Variants in SEPTIN10 observed in about 807,000 individuals in gnomAD.
The protein encoded by SEPTIN10 is septin-10.
Under a neutral mutation model 54.8 loss-of-function variants are expected in SEPTIN10, and 66 were observed. The observed-to-expected ratio is 1.21, with a 90% CI of 0.99 to 1.48. The LOEUF is 1.48. Ranked by LOEUF, SEPTIN10 falls within the 40% of genes most tolerant of loss-of-function variation. The pLI, the probability that SEPTIN10 is intolerant of heterozygous loss-of-function variation, is 0.00. For missense variants in SEPTIN10, 620 were observed against 545.6 expected, an observed-to-expected ratio of 1.14 and a Z score of -1.36; for synonymous variants, 161 against 181.0, an observed-to-expected ratio of 0.89 and a Z score of 0.89.
chr2:109,609,971 A>G (rs1698889487), intron 1 of SEPTIN10, among the ~76,000 whole-genome samples: 1 of 152,190 alleles, frequency 6.6e-6, no homozygotes, highest in South Asian at 2.1e-4. Flanking sequence ...CTCCTGAATC[A>G]TAAAATGATG....
At chr2:109,583,517 G>T (rs1691712404) in intron 4 of SEPTIN10, among the ~76,000 whole-genome samples, 1 of 152,190 alleles carries the variant, frequency 6.6e-6, no homozygotes, top group East Asian at 1.9e-4. Context: ...TAGAGAAAAG[G>T]AAATGCTTGT....
intron 1 of SEPTIN10, among the ~76,000 whole-genome samples, chr2:109,594,434 T>C (rs1694827109): frequency 6.6e-6 from 1 of 152,220 alleles, no homozygotes; most frequent in African/African-American, 2.4e-5. Flanking sequence ...CCTTTGTTTA[T>C]ATAAATGGTA....
At chr2:109,545,930 T>A (rs1363147728) in intron 10 of SEPTIN10, 120 bp downstream of exon 10, 4 of 1,445,896 alleles carry the variant, frequency 2.8e-6, no homozygotes, top group Non-Finnish European at 3.7e-6. Context: ...GGAGCTGACA[T>A]TTAGTTGGAG....
At chr2:109,587,093 T>C (rs1396359184) in intron 2 of SEPTIN10, among the ~76,000 whole-genome samples, 2 of 152,188 alleles carry the variant, frequency 1.3e-5, no homozygotes, top group African/African-American at 4.8e-5. Context: ...GTAAGAACTT[T>C]AAATAATGAT....
intron 1 of SEPTIN10, 111 bp from the exon 2 acceptor site, chr2:109,593,230 C>G: frequency 1.5e-6 from 1 of 649,058 alleles, no homozygotes; most frequent in Non-Finnish European, 2.4e-6. Flanking sequence ...GTTGTTATCA[C>G]CAAGTTTTGA....
chr2:109,547,352 T>C (rs1201326757), intron 9 of SEPTIN10, among the ~76,000 whole-genome samples: 4 of 149,820 alleles, frequency 2.7e-5, no homozygotes, highest in Non-Finnish European at 5.9e-5. Context: ...ATGTGAAATA[T>C]ACATGCTAAT....
At position 109,585,735 on chromosome 2, in the gene SEPTIN10, T is replaced by C. The variant is rs767504524; in HGVS notation, c.203A>G (p.Asn68Ser). ...GTGGCACGTACCCACACAGAGAATA[T>C]TAAAGCAGAAACCTTGCTGAATGGA... is the stretch of plus-strand genomic sequence containing the variant. ...NRSIQQGFCF[N>S]ILCVGETGIG... is the part of the protein sequence containing the mutation. Residue 68 changes from asparagine to serine, a missense_variant, in exon 3 of 11, where the codon AAT becomes AGT. Transcript: ENST00000397712. 42 of 1,612,462 alleles carry C rather than the reference T, an allele frequency of 2.6e-5. No homozygotes were observed. Among genetic ancestry groups the C allele is most frequent in the African/African-American group, 4.0e-5 (3 of 74,852 alleles).
At chr2:109,590,333 G>A (rs1693738340) in intron 2 of SEPTIN10, among the ~76,000 whole-genome samples, 2 of 152,016 alleles carry the variant, frequency 1.3e-5, no homozygotes, top group South Asian at 4.1e-4. Context: ...GTGTCTCTGA[G>A]AAGAGATTTT....
At chr2:109,607,747 T>G (rs1573883853) in intron 1 of SEPTIN10, among the ~76,000 whole-genome samples, 1 of 152,146 alleles carries the variant, frequency 6.6e-6, no homozygotes, top group East Asian at 1.9e-4. Flanking sequence ...CTCCCCTGAC[T>G]TCTCACCCAA....
At chr2:109,565,318 T>A (rs1385211067) in intron 7 of SEPTIN10, among the ~76,000 whole-genome samples, 1 of 152,192 alleles carries the variant, frequency 6.6e-6, no homozygotes, top group Non-Finnish European at 1.5e-5. Flanking sequence ...ACTTACTCAT[T>A]ATAATGTCAG....
At position 109,544,203 on chromosome 2, in the gene SEPTIN10, T is replaced by G; in HGVS notation, c.*106A>C. ...TCAGTAACTGTGGCTGTTCACCAAATATAGAAGTGATAAAACAAATAACAG... is the reference window on the plus strand; with the variant it reads ...TCAGTAACTGTGGCTGTTCACCAAAGATAGAAGTGATAAAACAAATAACAG... On this transcript the variant is annotated 3_prime_UTR_variant, in exon 11 of 11. Coordinates refer to ENST00000397712, the MANE Select transcript of SEPTIN10 (RefSeq NM_144710.5). 1 of 1,607,052 alleles carries G rather than the reference T, an allele frequency of 6.2e-7. No homozygotes were observed. The highest frequency in any genetic ancestry group is 2.2e-5 in the East Asian group (1 of 44,806).
chr2:109,575,751 T>A (rs1186487484), intron 4 of SEPTIN10, among the ~76,000 whole-genome samples: 1 of 152,218 alleles, frequency 6.6e-6, no homozygotes, highest in Non-Finnish European at 1.5e-5. Flanking sequence ...TTTGTAATTA[T>A]CTTTCTAGCC....
At chr2:109,560,813 G>A (rs1194289732) in intron 8 of SEPTIN10, among the ~76,000 whole-genome samples, 2 of 152,050 alleles carry the variant, frequency 1.3e-5, no homozygotes, top group Non-Finnish European at 2.9e-5. Context: ...GAGACTAGGC[G>A]TCTCCTTCTA....
Position 109,578,202 on chromosome 2 carries a change from T to C in SEPTIN10, c.414-3435A>G, listed in dbSNP as rs1331214237. 2.6e-5 allele frequency among the ~76,000 whole-genome samples: 4 copies of C among 152,252 alleles called. No homozygotes were observed. The East Asian group carries it at 7.7e-4, about 29-fold the overall frequency. ...AAACCTAAATATGTCGGTAATTACATTAATTTTGAAGGAATTACACGATCA... is the reference window on the plus strand; with the variant it reads ...AAACCTAAATATGTCGGTAATTACACTAATTTTGAAGGAATTACACGATCA... On this transcript the variant is annotated intron_variant, in intron 4 of 10. Coordinates refer to ENST00000397712, the MANE Select transcript of SEPTIN10 (RefSeq NM_144710.5).
intron 10 of SEPTIN10, chr2:109,545,642 T>C: frequency 1.3e-6 from 2 of 1,505,366 alleles, no homozygotes; most frequent in Non-Finnish European, 1.8e-6. Flanking sequence ...CTTATGTCTA[T>C]AATTCCCCAA....
In SEPTIN10 at chr2:109,574,562, ATTCCT is replaced by A; in HGVS notation, c.600+14_600+18del. 6.9e-7 allele frequency: 1 copy of A among 1,453,790 alleles called. No individual in the cohort carries two copies. The highest frequency in any genetic ancestry group is 9.1e-7 in the Non-Finnish European group (1 of 1,097,084). 90.1% of individuals were successfully genotyped at this position (1,453,790 alleles called of 1,614,324 possible). A position where few individuals can be genotyped will look rare whatever the true frequency, so the allele number is the denominator to read the frequency against. ...ATAAATATTAAAGTATGGTAAGTTG[ATTCCT>A]TTCCTCAACCCACCTTGCTGTCAAG... On this transcript the variant is annotated intron_variant, in intron 5 of 10. Coordinates refer to ENST00000397712, the MANE Select transcript of SEPTIN10 (RefSeq NM_144710.5).
chr2:109,581,753 C>G (rs1042269354), intron 4 of SEPTIN10, among the ~76,000 whole-genome samples: 33 of 152,112 alleles, frequency 2.2e-4, no homozygotes, highest in Non-Finnish European at 4.4e-5. Flanking sequence ...AAGCATTCCC[C>G]TTGAGAACTG....
chr2:109,602,103 C>G (rs1472367155), intron 1 of SEPTIN10, among the ~76,000 whole-genome samples: 2 of 152,168 alleles, frequency 1.3e-5, no homozygotes, highest in Non-Finnish European at 1.5e-5. Flanking sequence ...AGGGTTCCAA[C>G]AGCGGCACAG....
chr2:109,600,789 G>A (rs1185514236), intron 1 of SEPTIN10, among the ~76,000 whole-genome samples: 1 of 152,158 alleles, frequency 6.6e-6, no homozygotes, highest in East Asian at 1.9e-4. Flanking sequence ...GCCAGCCCCA[G>A]GTTATTTTCC....
Sources: gnomAD v4.1 joint callset for allele counts (sites outside exome capture counted in the v4.1 genomes callset) on GRCh38, gnomAD v4.1.1 for gene constraint, MANE v1.5 for transcripts, NCBI Gene and HGNC (gene_info 2026-07-23, HGNC 2026-07-21) for gene names.